MTREX: variants seen among roughly 807,000 people sequenced by gnomAD.
MTREX encodes Mtr4 exosome RNA helicase.
Under a neutral mutation model 135.4 loss-of-function variants are expected in MTREX, and 76 were observed. That is an observed-to-expected ratio of 0.56 (90% CI 0.47 to 0.68). The LOEUF (loss-of-function observed/expected upper bound fraction) is 0.68. Ranked by LOEUF, MTREX falls within the 30% of genes least tolerant of loss-of-function variation. The probability of loss-of-function intolerance (pLI) is 0.00; values close to 1 mark genes in which losing one functional copy is unlikely to be tolerated. For missense variants in MTREX, 920 were observed against 1,262.1 expected, an observed-to-expected ratio of 0.73 and a Z score of 4.11; for synonymous variants, 404 against 401.6, an observed-to-expected ratio of 1.01 and a Z score of -0.07.
At chr5:55,372,644 C>T (rs1750222122) in intron 16 of MTREX, among the ~76,000 whole-genome samples, 1 of 152,080 alleles carries the variant, frequency 6.6e-6, no homozygotes, top group Admixed American at 6.5e-5. Context: ...CATCTGTTGT[C>T]AATTGATTTT....
intron 21 of MTREX, among the ~76,000 whole-genome samples, chr5:55,401,848 T>C (rs1370512458): frequency 6.6e-6 from 1 of 152,230 alleles, no homozygotes; most frequent in Non-Finnish European, 1.5e-5. Context: ...TGGAATGTAT[T>C]ATACTATACA....
In MTREX at chr5:55,317,870, A is replaced by G. The variant is rs866208766; in HGVS notation, c.135-4457A>G. Among the ~76,000 whole-genome samples the G allele has an allele frequency of 1.7e-4, 26 of 152,354 alleles. No individual in the cohort carries two copies. In the Middle Eastern group the frequency reaches 0.01, roughly 60 times the overall value. On this transcript the variant is annotated intron_variant, in intron 1 of 26. Coordinates refer to ENST00000230640, the MANE Select transcript of MTREX (RefSeq NM_015360.5). ...ACAGAATGGGAGAAAATTTTTGCAA[A>G]CTATGCATTTGACAAAGGTCTAATA... is the stretch of plus-strand genomic sequence containing the variant.
At chr5:55,371,097 A>G (rs532567604) in intron 16 of MTREX, among the ~76,000 whole-genome samples, 3 of 152,330 alleles carry the variant, frequency 2.0e-5, no homozygotes, top group Admixed American at 2.0e-4. Flanking sequence ...AGTTTCATTA[A>G]TAATGCCAGT....
chr5:55,402,858 G>GTA (rs1750745791), intron 21 of MTREX, among the ~76,000 whole-genome samples: 1 of 63,348 alleles, frequency 1.6e-5, no homozygotes, highest in Admixed American at 2.6e-4. Flanking sequence ...ATGTATGTGT[G>GTA]TGTGTGTGTG....
chr5:55,392,190 G>C (rs1046820348), intron 19 of MTREX, among the ~76,000 whole-genome samples: 2 of 152,048 alleles, frequency 1.3e-5, no homozygotes, highest in Non-Finnish European at 2.9e-5. Flanking sequence ...TCTCTGCTTG[G>C]TTAGTTTAAT....
intron 21 of MTREX, among the ~76,000 whole-genome samples, chr5:55,400,926 G>A (rs1311687910): frequency 2.0e-5 from 3 of 152,162 alleles, no homozygotes; most frequent in African/African-American, 7.2e-5. Context: ...TATGATGTTT[G>A]TGTCTGCTGT....
intron 18 of MTREX, among the ~76,000 whole-genome samples, chr5:55,387,392 CAG>C (rs1750496450): frequency 6.6e-6 from 1 of 151,964 alleles, no homozygotes; most frequent in African/African-American, 2.4e-5. Context: ...TTATGCAAAA[CAG>C]ATTATTTAAA....
rs1295918412 is a variant in MTREX, at chr5:55,322,409, G to T, written c.217G>T (p.Glu73Ter). The T allele has an allele frequency of 3.7e-6, 6 of 1,609,036 alleles. No homozygotes were observed. Among genetic ancestry groups the T allele is most frequent in the Non-Finnish European group, 5.1e-6 (6 of 1,177,648 alleles). The change falls in exon 2 of 27, where the codon GAA becomes TAA. Residue 73 changes from glutamate (E) to a stop codon, truncating the protein, a stop_gained. Coordinates refer to ENST00000230640, the MANE Select transcript of MTREX (RefSeq NM_015360.5). LOFTEE classifies it high-confidence loss of function. ...AGATGTAGATTTCGAAGGTACAGATGAACCCATTTTTGGAAAGAAGCCCAG... is the reference window on the plus strand; with the variant it reads ...AGATGTAGATTTCGAAGGTACAGATTAACCCATTTTTGGAAAGAAGCCCAG... The part of the protein sequence containing the change: ...KRDVDFEGTD[E>*]PIFGKKPRIE...
chr5:55,340,093 G>A lies in MTREX; in HGVS notation c.599G>A (p.Arg200His), dbSNP rs1749620216. The A allele has an allele frequency of 1.2e-6, 2 of 1,603,492 alleles. No homozygotes were observed. The highest frequency in any genetic ancestry group is 1.1e-5 in the South Asian group (1 of 89,486). ...AAGGCTCTGAGTAACCAAAAATACCGTGAAATGTATGAAGAATTTCAAGAT... is the reference window on the plus strand; with the variant it reads ...AAGGCTCTGAGTAACCAAAAATACCATGAAATGTATGAAGAATTTCAAGAT... ...PIKALSNQKY[R>H]EMYEEFQDVG... The change falls in exon 6 of 27, where the codon CGT becomes CAT. Residue 200 changes from arginine (R) to histidine (H), a missense_variant. Around this residue, in one of 6 missense-constraint regions of MTREX, gnomAD observed 88 missense variants for 202.5 expected, o/e 0.43. Coordinates refer to ENST00000230640, the MANE Select transcript of MTREX (RefSeq NM_015360.5).
chr5:55,373,974 C>CA (rs1750248556), intron 16 of MTREX, among the ~76,000 whole-genome samples: 3 of 152,052 alleles, frequency 2.0e-5, no homozygotes, highest in Admixed American at 6.5e-5. Context: ...ATAAAAAATA[C>CA]AAAAAATGCC....
chr5:55,369,044 A>C (rs1397229428), intron 16 of MTREX, among the ~76,000 whole-genome samples: 1 of 152,018 alleles, frequency 6.6e-6, no homozygotes, highest in African/African-American at 2.4e-5. Flanking sequence ...GTATGATTCT[A>C]GTCTCAGAGA....
chr5:55,346,703 A>G (rs764563379), intron 10 of MTREX, among the ~76,000 whole-genome samples: 6 of 151,962 alleles, frequency 3.9e-5, no homozygotes, highest in Non-Finnish European at 7.4e-5. Context: ...CATATTCTGG[A>G]TACTAGACCC....
intron 2 of MTREX, among the ~76,000 whole-genome samples, chr5:55,323,851 A>C (rs1749327294): frequency 6.6e-6 from 1 of 152,210 alleles, no homozygotes; most frequent in Non-Finnish European, 1.5e-5. Context: ...CTTTTTATTC[A>C]AAATAGTTAT....
intron 22 of MTREX, among the ~76,000 whole-genome samples, chr5:55,406,517 T>C (rs1750810647): frequency 6.6e-6 from 1 of 152,220 alleles, no homozygotes; most frequent in African/African-American, 2.4e-5. Flanking sequence ...TTTTGTAACC[T>C]AGCTTTGTTA....
At chr5:55,314,965 C>G (rs558596828) in intron 1 of MTREX, among the ~76,000 whole-genome samples, 2 of 152,216 alleles carry the variant, frequency 1.3e-5, no homozygotes, top group South Asian at 4.1e-4. Context: ...AATGTTCACT[C>G]ACTCGCTGCT....
At chr5:55,416,219 A>ATTTTTTTTTTT in intron 25 of MTREX, 87 bp downstream of exon 25, 1 of 801,494 alleles carries the variant, frequency 1.2e-6, no homozygotes, top group Non-Finnish European at 1.9e-6. Context: ...TATAATATGT[A>ATTTTTTTTTTT]TTTTTAATAT....
At chr5:55,343,180 A>G (rs1749678995) in intron 7 of MTREX, 151 bp from the exon 8 acceptor site, 2 of 633,728 alleles carry the variant, frequency 3.2e-6, no homozygotes, top group Non-Finnish European at 5.1e-6. Flanking sequence ...ATGGTGAGAA[A>G]TAGTTTTCAG....
At chr5:55,351,761 T>C (rs929208998) in intron 13 of MTREX, among the ~76,000 whole-genome samples, 1 of 152,120 alleles carries the variant, frequency 6.6e-6, no homozygotes, top group African/African-American at 2.4e-5. Flanking sequence ...TTAAATGATA[T>C]TGATATTTAT....
Position 55,308,082 on chromosome 5 carries a change from C to CA in MTREX, c.75dup (p.Asp26ArgfsTer24). On this transcript the variant is annotated frameshift_variant, in exon 1 of 27. Transcript: ENST00000230640. LOFTEE classifies it high-confidence loss of function. ...GCGACTCGACCACTGCGGCGGGAACCAAAAAAGACAAGGAAAAGGACAAGG... is the reference window on the plus strand; with the variant it reads ...GCGACTCGACCACTGCGGCGGGAACCAAAAAAAGACAAGGAAAAGGACAAGG... 6.2e-7 allele frequency: 1 copy of CA among 1,612,912 alleles called. No homozygotes were observed. Among genetic ancestry groups the CA allele is most frequent in the East Asian group, 2.2e-5 (1 of 44,824 alleles).
Sources: allele counts gnomAD v4.1 joint callset (sites outside exome capture counted in the v4.1 genomes callset), GRCh38; gene constraint gnomAD v4.1.1; regional missense constraint gnomAD v4.1.1; transcripts MANE v1.5; gene names NCBI Gene and HGNC (gene_info 2026-07-23, HGNC 2026-07-21).